The following CYP24A1 variants were observed in gnomAD, a reference collection of about 807,000 sequenced individuals.
CYP24A1 encodes 1,25-dihydroxyvitamin D(3) 24-hydroxylase, mitochondrial.
CYP24A1 carries 68 observed loss-of-function variants against 62.4 expected under a neutral mutation model. The observed-to-expected ratio is 1.09, with a 90% CI of 0.90 to 1.33. The LOEUF is 1.33. Ranked by LOEUF, CYP24A1 falls within the 40% of genes most tolerant of loss-of-function variation. The probability of loss-of-function intolerance (pLI) is 0.00; values close to 1 mark genes in which losing one functional copy is unlikely to be tolerated. For missense variants in CYP24A1, 787 were observed against 653.0 expected (o/e 1.21, Z -2.24); for synonymous variants, 267 against 253.0 (o/e 1.06, Z -0.52).
chr20:54,146,355 T>G, the CYP24A1 span, among the ~76,000 whole-genome samples: 17 of 152,184 alleles, frequency 1.1e-4, no homozygotes, highest in African/African-American at 4.1e-4. Context: ...GGACTCAACT[T>G]CAGAATGTTT....
chr20:54,173,906 GT>G lies in CYP24A1; in HGVS notation c.-328del. 2.3e-6 allele frequency: 1 copy of G among 440,590 alleles called. No homozygotes were observed. Among genetic ancestry groups the G allele is most frequent in the South Asian group, 2.9e-5 (1 of 34,874 alleles). The allele number at this position is 440,590 out of a possible 1,614,324, so 27.3% of individuals were successfully genotyped here. On this transcript the variant is annotated 5_prime_UTR_variant, in exon 1 of 12. It removes the in-frame stop codon of an upstream open reading frame in the 5' UTR. Transcript: ENST00000216862. The surrounding 1 kb of genome is among the most constrained non-coding windows in gnomAD (Gnocchi z 7.2). ...TTGGTCCGCAAGGCTGACCTCTAGG[GT>G]CTGGCTGGAGCCACGGGGAGGTGTC...
chr20:54,153,367 G>A (rs948850938), downstream of CYP24A1: 7 of 152,204 alleles, frequency 4.6e-5, no homozygotes, highest in Non-Finnish European at 8.8e-5. Context: ...GGCCATATGA[G>A]AAAATTTTCT....
chr20:54,155,767 CTTCT>C (rs2092625765), intron 11 of CYP24A1, among the ~76,000 whole-genome samples: 1 of 150,624 alleles, frequency 6.6e-6, no homozygotes, highest in African/African-American at 2.4e-5. Flanking sequence ...AAATTAGGGC[CTTCT>C]TAGGCTAACT....
At position 54,157,590 on chromosome 20, in the gene CYP24A1, A is replaced by G. The variant is rs774689286; in HGVS notation, c.1237-5T>C. ...GGTATTTAGCATGAGCACTGTCTAA[A>G]CACATGCAGAGACACATAGTATTTA... On this transcript the variant is annotated splice_polypyrimidine_tract_variant and splice_region_variant and intron_variant, in intron 9 of 11. Transcript: ENST00000216862. 2.7e-6 allele frequency: 4 copies of G among 1,498,400 alleles called. No homozygotes were observed. In the African/African-American group the frequency reaches 5.5e-5, roughly 21 times the overall value. The allele number at this position is 1,498,400 out of a possible 1,614,324, so 92.8% of individuals were successfully genotyped here.
chr20:54,164,301 G>A, intron 6 of CYP24A1, 151 bp downstream of exon 6: 2 of 1,443,220 alleles, frequency 1.4e-6, no homozygotes, highest in South Asian at 1.2e-5. Flanking sequence ...CTTAGAATTT[G>A]TGTATGCTGG....
chr20:54,152,958 C>A (rs2092614898), downstream of CYP24A1, among the ~76,000 whole-genome samples: 1 of 152,210 alleles, frequency 6.6e-6, no homozygotes, highest in Non-Finnish European at 1.5e-5. Flanking sequence ...GTCAGTATTG[C>A]TCCCAGCCAC....
chr20:54,168,264 C>T (rs1175347520), intron 4 of CYP24A1, among the ~76,000 whole-genome samples: 1 of 152,204 alleles, frequency 6.6e-6, no homozygotes, highest in African/African-American at 2.4e-5. Flanking sequence ...CTTGCACCCC[C>T]ATGGGCAGTG....
rs185301140 is a variant in CYP24A1, at chr20:54,154,105, T to C, written c.*667A>G. 5.9e-5 allele frequency: 9 copies of C among 152,190 alleles called. No individual in the cohort carries two copies. The highest frequency in any genetic ancestry group is 2.2e-4 in the African/African-American group (9 of 41,532). The allele number at this position is 152,190 out of a possible 1,614,324, so 9.4% of individuals were successfully genotyped here. A position where few individuals can be genotyped will look rare whatever the true frequency, so the allele number is the denominator to read the frequency against. On this transcript the variant is annotated 3_prime_UTR_variant, in exon 12 of 12. Transcript: ENST00000216862. ...CACACATGCATGTCTGTGCTTCATA[T>C]GCACATACACAATTTAAAAATTATT...
chr20:54,171,389 A>G (rs1350262064), intron 3 of CYP24A1, among the ~76,000 whole-genome samples, 188 bp downstream of exon 3: 1 of 152,168 alleles, frequency 6.6e-6, no homozygotes, highest in African/African-American at 2.4e-5. Flanking sequence ...AAGAGGGTGG[A>G]GGAGGGAGAA....
intron 6 of CYP24A1, 38 bp downstream of exon 6, chr20:54,164,414 G>A: frequency 3.1e-6 from 5 of 1,613,790 alleles, no homozygotes; most frequent in Non-Finnish European, 3.4e-6. Context: ...CGGGGGTGCT[G>A]GGCTGGTTCT....
chr20:54,151,299 C>G (rs1447155646), downstream of CYP24A1, among the ~76,000 whole-genome samples: 1 of 152,088 alleles, frequency 6.6e-6, no homozygotes, highest in Admixed American at 6.5e-5. Flanking sequence ...GTGGGAGTGC[C>G]TTTTAGCATG....
intron 5 of CYP24A1, among the ~76,000 whole-genome samples, 179 bp from the exon 6 acceptor site, chr20:54,164,742 C>T (rs916769473): frequency 6.6e-6 from 1 of 151,948 alleles, no homozygotes. Flanking sequence ...ACCCCACCTC[C>T]ACCTCCTTTC....
intron 3 of CYP24A1, among the ~76,000 whole-genome samples, chr20:54,170,725 A>G (rs2092691081): frequency 6.6e-6 from 1 of 152,132 alleles, no homozygotes; most frequent in African/African-American, 2.4e-5. Flanking sequence ...GGCATGCACT[A>G]TCACGTTTCC....
At chr20:54,162,681 G>A (rs771340916) in intron 7 of CYP24A1, 36 bp downstream of exon 7, 16 of 1,387,984 alleles carry the variant, frequency 1.2e-5, no homozygotes, top group Admixed American at 1.7e-5. Flanking sequence ...GGTACAGACC[G>A]TTCATTTAGC....
chr20:54,145,533 GGGA>G, the CYP24A1 span, among the ~76,000 whole-genome samples: 2 of 151,464 alleles, frequency 1.3e-5, no homozygotes, highest in African/African-American at 4.9e-5. Context: ...CCAGCTACTT[GGGA>G]GGCTGAGGCA....
At chr20:54,165,691 G>T (rs779860739) in intron 5 of CYP24A1, 51 bp downstream of exon 5, 5 of 927,678 alleles carry the variant, frequency 5.4e-6, no homozygotes, top group African/African-American at 3.2e-5. Context: ...TGTAAAAATC[G>T]ATCTGTAAAA....
chr20:54,172,958 A>C lies in CYP24A1; in HGVS notation c.400T>G (p.Trp134Gly), dbSNP rs1170841548. 8.7e-6 allele frequency: 14 copies of C among 1,612,822 alleles called. No individual in the cohort carries two copies. Among genetic ancestry groups the C allele is most frequent in the Admixed American group, 1.7e-5 (1 of 59,948 alleles). ...AYPQRLEIKP[W>G]KAYRDYRKEG... Reference sequence around the variant, plus strand: ...TTGCGGTAGTCGCGATAGGCCTTCCACGGTTTGATCTCCAGCCGCTGCGGG... The same window carrying C: ...TTGCGGTAGTCGCGATAGGCCTTCCCCGGTTTGATCTCCAGCCGCTGCGGG... The change falls in exon 2 of 12, where the codon TGG becomes GGG. Residue 134 changes from tryptophan (W) to glycine (G), a missense_variant. Coordinates refer to ENST00000216862, the MANE Select transcript of CYP24A1 (RefSeq NM_000782.5).
intron 11 of CYP24A1, among the ~76,000 whole-genome samples, chr20:54,156,620 C>A (rs766360774): frequency 2.0e-5 from 3 of 152,210 alleles, no homozygotes; most frequent in African/African-American, 7.2e-5. Flanking sequence ...CCTGGAAGAG[C>A]CTCATCAGAC....
intron 11 of CYP24A1, among the ~76,000 whole-genome samples, chr20:54,156,328 T>G (rs1341195771): frequency 1.3e-5 from 2 of 152,136 alleles, no homozygotes; most frequent in Admixed American, 1.3e-4. Context: ...CTGGATAATA[T>G]CTTGTCAGAC....
Sources: gnomAD v4.1 joint callset for allele counts (sites outside exome capture counted in the v4.1 genomes callset) on GRCh38, gnomAD v4.1.1 for gene constraint, Gnocchi (gnomAD v3.1) non-coding constraint, MANE v1.5 for transcripts, NCBI Gene and HGNC (gene_info 2026-07-23, HGNC 2026-07-21) for gene names.